The following NTNG2 variants were observed in gnomAD, a reference collection of about 807,000 sequenced individuals.
The protein encoded by NTNG2 is netrin G2.
NTNG2 carries 15 observed loss-of-function variants against 47.6 expected under a neutral mutation model. That is an observed-to-expected ratio of 0.32 (90% confidence interval 0.21 to 0.49). The LOEUF (loss-of-function observed/expected upper bound fraction) is 0.49, where lower values mean the gene tolerates loss of function less well. Among genes scored for constraint, NTNG2 ranks in the 20% least tolerant of loss-of-function variants. The pLI is 0.99. For missense variants in NTNG2, 578 were observed against 764.6 expected (o/e 0.76, Z 2.88); for synonymous variants, 307 against 324.6 (o/e 0.95, Z 0.58).
At position 132,227,006 on chromosome 9, in the gene NTNG2, G is replaced by A. The variant is rs1840811880; in HGVS notation, c.1015G>A (p.Gly339Ser). 1.2e-6 allele frequency: 2 copies of A among 1,607,212 alleles called. No homozygotes were observed. The highest frequency in any genetic ancestry group is 1.7e-6 in the Non-Finnish European group (2 of 1,178,634). ...RAGSYLPLPH[G>S]SPNACATAGS... Reference sequence around the variant, plus strand: ...CGGCTCCTACCTGCCGCTGCCCCATGGCTCTCCCAACGCCTGTACGTGCCA... The same window carrying A: ...CGGCTCCTACCTGCCGCTGCCCCATAGCTCTCCCAACGCCTGTACGTGCCA... The change falls in exon 4 of 8, where the codon GGC (glycine) becomes AGC (serine). Residue 339 changes from glycine (G) to serine (S), a missense_variant. Transcript: ENST00000393229.
chr9:132,181,494 T>C (rs150125487), intron 2 of NTNG2, among the ~76,000 whole-genome samples: 1,692 of 152,130 alleles, frequency 0.011, 28 homozygotes, highest in African/African-American at 0.037. Context: ...CTAATTTTTG[T>C]ATTTTTAGTA....
chr9:132,195,826 C>A (rs1397237145), intron 2 of NTNG2, among the ~76,000 whole-genome samples: 1 of 151,944 alleles, frequency 6.6e-6, no homozygotes, highest in African/African-American at 2.4e-5. Flanking sequence ...GATACAGGGT[C>A]TTGCTGTGTT....
At position 132,180,283 on chromosome 9, in the gene NTNG2, C is replaced by A. The variant is rs964928387; in HGVS notation, c.213+13239C>A. On this transcript the variant is annotated intron_variant, in intron 2 of 7. Transcript: ENST00000393229. The surrounding 1 kb of genome is among the most constrained non-coding windows in gnomAD (Gnocchi z 4.2). ...GAAGAAGAGACCAATGAGAGATGAG[C>A]CCACGGTGCTCCTGCCCTCCACCAA... is the stretch of plus-strand genomic sequence containing the variant. Among the ~76,000 whole-genome samples the A allele has an allele frequency of 2.1e-4, 32 of 152,256 alleles. No individual in the cohort carries two copies. The highest frequency in any genetic ancestry group is 6.8e-4 in the African/African-American group (28 of 41,474).
At position 132,221,740 on chromosome 9, in the gene NTNG2, G is replaced by C. The variant is rs2130901102; in HGVS notation, c.858-5109G>C. The stretch of plus-strand genomic sequence containing the variant: ...GGAGGGACGTCTGGATTTGGGTCAG[G>C]AGAAACCAACTGTATGACTTTGGGC... On this transcript the variant is annotated intron_variant, in intron 3 of 7. Coordinates refer to ENST00000393229, the MANE Select transcript of NTNG2 (RefSeq NM_032536.4). This position sits in a 1 kb window ranked among gnomAD's most constrained non-coding sequence, Gnocchi z 4.2. Among the ~76,000 whole-genome samples, 1 of 152,290 alleles carries C rather than the reference G, an allele frequency of 6.6e-6. No individual in the cohort carries two copies. Among genetic ancestry groups the C allele is most frequent in the Middle Eastern group, 3.4e-3 (1 of 294 alleles).
At chr9:132,181,197 C>T (rs1027887524) in intron 2 of NTNG2, among the ~76,000 whole-genome samples, 11 of 152,152 alleles carry the variant, frequency 7.2e-5, no homozygotes, top group African/African-American at 2.7e-4. Context: ...GATCCTCCCA[C>T]TTCAGCCTCC....
At chr9:132,165,946 G>A (rs569326483) in intron 1 of NTNG2, 10 of 152,216 alleles carry the variant, frequency 6.6e-5, no homozygotes, top group Non-Finnish European at 1.3e-4. Context: ...GTTCTTATAC[G>A]TCTCTATTCT....
At position 132,198,148 on chromosome 9, in the gene NTNG2, G is replaced by A; in HGVS notation, c.396G>A (p.Glu132=). The A allele has an allele frequency of 7.4e-6, 12 of 1,613,782 alleles. No individual in the cohort carries two copies. Among genetic ancestry groups the A allele is most frequent in the Non-Finnish European group, 1.0e-5 (12 of 1,180,024 alleles). ...CCCTTTCGTGGAACAAGACCGTGGA[G>A]CTGACCGACGACGTGGTGATGACCT... is the stretch of plus-strand genomic sequence containing the variant. ...NITLSWNKTV[E]LTDDVVMTFE... is the part of the protein sequence containing the mutation. The change falls in exon 3 of 8, where the codon GAG becomes GAA. Residue 132 remains glutamate, a synonymous_variant. Coordinates refer to ENST00000393229, the MANE Select transcript of NTNG2 (RefSeq NM_032536.4).
rs900656140 is a variant in NTNG2 at position 132,180,832 on chromosome 9, G to C, written c.213+13788G>C. 6.6e-6 allele frequency among the ~76,000 whole-genome samples: 1 copy of C among 152,218 alleles called. No individual in the cohort carries two copies. The highest frequency in any genetic ancestry group is 2.4e-5 in the African/African-American group (1 of 41,442). On this transcript the variant is annotated intron_variant, in intron 2 of 7. Coordinates refer to ENST00000393229, the MANE Select transcript of NTNG2 (RefSeq NM_032536.4). The surrounding 1 kb of genome is among the most constrained non-coding windows in gnomAD (Gnocchi z 4.2). ...ACTTTTAATGGTCATGGCCCCACTT[G>C]AGAATCCATGGTGCTCTTCCTAGAA...
intron 5 of NTNG2, 94 bp downstream of exon 5, chr9:132,230,689 G>C: frequency 7.4e-7 from 1 of 1,350,192 alleles, no homozygotes; most frequent in South Asian, 1.2e-5. Flanking sequence ...AGGGGCTTCA[G>C]TGTCCCCTCT....
intron 2 of NTNG2, among the ~76,000 whole-genome samples, chr9:132,192,122 G>A (rs1000282609): frequency 6.6e-6 from 1 of 152,152 alleles, no homozygotes; most frequent in African/African-American, 2.4e-5. Flanking sequence ...GGGTGGAAAC[G>A]CGCAGACCCA....
At position 132,163,577 on chromosome 9, in the gene NTNG2, C is replaced by A. The variant is rs923612134; in HGVS notation, c.-484+1338C>A. Among the ~76,000 whole-genome samples the A allele has an allele frequency of 1.3e-5, 2 of 152,172 alleles. No homozygotes were observed. The highest frequency in any genetic ancestry group is 6.5e-5 in the Admixed American group (1 of 15,292). On this transcript the variant is annotated intron_variant, in intron 1 of 7. Coordinates refer to ENST00000393229, the MANE Select transcript of NTNG2 (RefSeq NM_032536.4). The surrounding 1 kb of genome is among the most constrained non-coding windows in gnomAD (Gnocchi z 7.2). ...CTCCCCTGAAAGCAGATTTCACCCC[C>A]CTCTGCCGCCCCTGCCGAGGAGGGA...
At chr9:132,240,772 G>T in intron 6 of NTNG2, 138 bp from the exon 7 acceptor site, 3 of 1,322,638 alleles carry the variant, frequency 2.3e-6, no homozygotes, top group Non-Finnish European at 3.1e-6. Context: ...GTCCAGCCGC[G>T]GGCTCACGTG....
chr9:132,225,244 T>TTTTGTTTGTTTTTG (rs1342641581), intron 3 of NTNG2, among the ~76,000 whole-genome samples: 68 of 151,180 alleles, frequency 4.5e-4, no homozygotes, highest in African/African-American at 1.6e-3. Flanking sequence ...TTTGTTTTTG[T>TTTTGTTTGTTTTTG]TTTTGTTTTG....
Position 132,194,644 on chromosome 9 carries a change from G to A in NTNG2, c.214-3322G>A, listed in dbSNP as rs573327720. ...GCTGGGGCCAGTCCTACCCTGGCCC[G>A]GGCCTCAGTCCCCCCATCTGCTTAA... On this transcript the variant is annotated intron_variant, in intron 2 of 7. Transcript: ENST00000393229. Among the ~76,000 whole-genome samples the A allele has an allele frequency of 7.2e-5, 11 of 152,350 alleles. No homozygotes were observed. The South Asian group carries it at 8.3e-4, about 11-fold the overall frequency.
At position 132,236,854 on chromosome 9, in the gene NTNG2, C is replaced by T. The variant is rs1450699077; in HGVS notation, c.1055-2250C>T. 6.6e-6 allele frequency among the ~76,000 whole-genome samples: 1 copy of T among 152,214 alleles called. No homozygotes were observed. The highest frequency in any genetic ancestry group is 6.5e-5 in the Admixed American group (1 of 15,288). ...GGTGCCGTCCGTGTTCCTGGCTTGA[C>T]AGCACTTGCGAGTGGGACTCCAGGG... On this transcript the variant is annotated intron_variant, in intron 5 of 7. Transcript: ENST00000393229. The surrounding 1 kb of genome is among the most constrained non-coding windows in gnomAD (Gnocchi z 4.3).
chr9:132,198,434 C>G lies in NTNG2; in HGVS notation c.682C>G (p.Arg228Gly). The change falls in exon 3 of 8, where the codon CGC becomes GGC. Residue 228 changes from arginine (R) to glycine (G), a missense_variant. Arg to Gly is a moderately radical substitution (Grantham distance 125, BLOSUM62 -2). Transcript: ENST00000393229. ...RFAIFAGPDL[R>G]NMDNLYTRLE... is the part of the protein sequence containing the mutation. ...CGCCATCTTTGCCGGCCCCGACCTG[C>G]GCAACATGGACAACCTCTACACGCG... 5 of 1,613,108 alleles carry G rather than the reference C, an allele frequency of 3.1e-6. No homozygotes were observed. Among genetic ancestry groups the G allele is most frequent in the African/African-American group, 1.3e-5 (1 of 75,056 alleles).
chr9:132,217,808 C>T (rs539032838), intron 3 of NTNG2, among the ~76,000 whole-genome samples: 14 of 152,324 alleles, frequency 9.2e-5, no homozygotes, highest in African/African-American at 3.4e-4. Flanking sequence ...TGAGGTCACA[C>T]AGTCGTTGGC....
intron 3 of NTNG2, among the ~76,000 whole-genome samples, chr9:132,200,894 G>T (rs543017537): frequency 6.6e-6 from 1 of 152,210 alleles, no homozygotes; most frequent in African/African-American, 2.4e-5. Flanking sequence ...GGGCATCTCC[G>T]TGACCTCTGC....
chr9:132,177,650 T>TTTTG lies in NTNG2; in HGVS notation c.213+10626_213+10629dup, dbSNP rs113433484. ...TCTGGACTCTCAAATCTCTGGGTTT[T>TTTTG]TTTGTTTGTTTGTTTGTTTGTTTTG... On this transcript the variant is annotated intron_variant, in intron 2 of 7. Coordinates refer to ENST00000393229, the MANE Select transcript of NTNG2 (RefSeq NM_032536.4). Among the ~76,000 whole-genome samples the TTTTG allele has an allele frequency of 4.0e-4, 61 of 152,222 alleles. 1 individual carries two copies. The highest frequency in any genetic ancestry group is 9.7e-4 in the East Asian group (5 of 5,172).
Sources: allele counts gnomAD v4.1 joint callset (sites outside exome capture counted in the v4.1 genomes callset), GRCh38; gene constraint gnomAD v4.1.1; non-coding constraint Gnocchi (gnomAD v3.1); transcripts MANE v1.5; gene names NCBI Gene and HGNC (gene_info 2026-07-23, HGNC 2026-07-21).